The following NAV2 variants were observed in gnomAD, a reference collection of about 807,000 sequenced individuals.
The protein encoded by NAV2 is neuron navigator 2, also known as helicase, APC down-regulated 1.
NAV2 carries 54 observed loss-of-function variants against 223.2 expected under a neutral mutation model. The ratio of observed to expected loss-of-function variants is 0.24; its 90% CI spans 0.19 to 0.30. The LOEUF (loss-of-function observed/expected upper bound fraction) is 0.30, where lower values mean the gene tolerates loss of function less well. Ranked by LOEUF, NAV2 falls within the 10% of genes least tolerant of loss-of-function variation. NAV2 has a pLI of 1.00. For synonymous variants in NAV2, 1,279 were observed against 1,239.3 expected (o/e 1.03, Z -0.67); for missense variants, 2,806 against 3,147.5 (o/e 0.89, Z 2.60).
At chr11:19,879,136 G>A (rs956493830) in intron 4 of NAV2, among the ~76,000 whole-genome samples, 15 of 152,212 alleles carry the variant, frequency 9.9e-5, no homozygotes, top group African/African-American at 3.4e-4. Flanking sequence ...CCCCTCGTGA[G>A]CCATAGCCTT....
intron 1 of NAV2, among the ~76,000 whole-genome samples, chr11:19,472,844 G>T (rs1481788762): frequency 6.6e-6 from 1 of 152,204 alleles, no homozygotes; most frequent in Non-Finnish European, 1.5e-5. Context: ...AGCCAAGCCT[G>T]GTGCTGTCTA....
intron 1 of NAV2, among the ~76,000 whole-genome samples, chr11:19,655,063 C>T (rs540206039): frequency 2.0e-5 from 3 of 152,290 alleles, no homozygotes; most frequent in South Asian, 4.1e-4. Flanking sequence ...CAAACAACCC[C>T]ATCAACAAGT....
At chr11:19,590,718 A>C (rs1482156370) in intron 1 of NAV2, among the ~76,000 whole-genome samples, 2 of 152,232 alleles carry the variant, frequency 1.3e-5, no homozygotes, top group African/African-American at 4.8e-5. Context: ...TCCTGACTGC[A>C]AAAGCTCACA....
At chr11:19,945,591 C>G (rs2153355698) in intron 8 of NAV2, among the ~76,000 whole-genome samples, 1 of 152,294 alleles carries the variant, frequency 6.6e-6, no homozygotes, top group South Asian at 2.1e-4. Flanking sequence ...GCGATCTGCC[C>G]ACTTTGGCTT....
intron 6 of NAV2, among the ~76,000 whole-genome samples, chr11:19,914,427 GA>G (rs2043600164): frequency 6.6e-6 from 1 of 152,168 alleles, no homozygotes; most frequent in Non-Finnish European, 1.5e-5. Context: ...ATCATTCTCA[GA>G]AAAGTGATAC....
intron 1 of NAV2, among the ~76,000 whole-genome samples, chr11:19,439,223 C>A (rs1851315486): frequency 1.3e-5 from 2 of 152,146 alleles, no homozygotes; most frequent in South Asian, 4.1e-4. Context: ...GAACCCAAGA[C>A]AAAGACCAAA....
chr11:19,892,584 C>T lies in NAV2; in HGVS notation c.921C>T (p.Ser307=). The T allele has an allele frequency of 6.2e-7, 1 of 1,613,688 alleles. No homozygotes were observed. Among genetic ancestry groups the T allele is most frequent in the South Asian group, 1.1e-5 (1 of 90,922 alleles). ...PVTSPPPPPS[S]HEKEPLASSA... ...CCTCCCCACCCCCACCGCCAAGCAG[C>T]CACGAGAAAGGTGAGTCACCTTCTT... Residue 307 remains serine (S), a synonymous_variant, in exon 6 of 38, where the codon AGC becomes AGT. Transcript: ENST00000349880.
At chr11:19,481,924 C>T (rs2134004137) in intron 1 of NAV2, among the ~76,000 whole-genome samples, 1 of 152,316 alleles carries the variant, frequency 6.6e-6, no homozygotes, top group South Asian at 2.1e-4. Flanking sequence ...AGTAAAAGGT[C>T]AGTTAAGATG....
chr11:19,749,626 G>A (rs1279911412), intron 1 of NAV2, among the ~76,000 whole-genome samples: 1 of 152,094 alleles, frequency 6.6e-6, no homozygotes, highest in East Asian at 1.9e-4. Flanking sequence ...ATGGAAATTC[G>A]GTTACGTTAC....
intron 1 of NAV2, among the ~76,000 whole-genome samples, chr11:19,674,109 G>A (rs2048650938): frequency 6.6e-6 from 1 of 152,192 alleles, no homozygotes; most frequent in South Asian, 2.1e-4. Context: ...GTTGTGGAAG[G>A]AGCTTTTGGC....
intron 5 of NAV2, among the ~76,000 whole-genome samples, chr11:19,891,218 C>T (rs1225150929): frequency 2.6e-5 from 4 of 152,214 alleles, no homozygotes; most frequent in African/African-American, 4.8e-5. Flanking sequence ...AGTTTTATGA[C>T]TTGAAAATTC....
chr11:19,592,822 G>A (rs962208003), intron 1 of NAV2, among the ~76,000 whole-genome samples: 6 of 152,162 alleles, frequency 3.9e-5, no homozygotes, highest in Non-Finnish European at 8.8e-5. Flanking sequence ...CTTTTTACAA[G>A]TAGTTCATTT....
intron 1 of NAV2, among the ~76,000 whole-genome samples, chr11:19,723,064 A>G (rs1343343961): frequency 1.3e-5 from 2 of 152,160 alleles, no homozygotes; most frequent in Admixed American, 1.3e-4. Flanking sequence ...GGGCTTTGGC[A>G]AGTTTGGGCA....
intron 1 of NAV2, chr11:19,714,600 G>A (rs377244345): frequency 3.3e-5 from 13 of 388,824 alleles, no homozygotes; most frequent in Admixed American, 2.8e-4. Flanking sequence ...TTGGCTGGCT[G>A]TTGCGGTGGG....
intron 1 of NAV2, among the ~76,000 whole-genome samples, chr11:19,831,433 A>T (rs2059937118): frequency 6.6e-6 from 1 of 151,878 alleles, no homozygotes; most frequent in South Asian, 2.1e-4. Flanking sequence ...TTAGTACTTG[A>T]GCCTGTTGTC....
At position 19,951,684 on chromosome 11, in the gene NAV2, A is replaced by G. The variant is rs559066532; in HGVS notation, c.2645+2604A>G. Among the ~76,000 whole-genome samples, 4 of 152,296 alleles carry G rather than the reference A, an allele frequency of 2.6e-5. No individual in the cohort carries two copies. The South Asian group carries it at 8.3e-4, about 32-fold the overall frequency. ...ATGTCCACAAGGTGGAGACATTGAAACACTCTAACCTGAATCTTAGTGATA... is the reference window on the plus strand; with the variant it reads ...ATGTCCACAAGGTGGAGACATTGAAGCACTCTAACCTGAATCTTAGTGATA... On this transcript the variant is annotated intron_variant, in intron 10 of 37. Coordinates refer to ENST00000349880, the MANE Select transcript of NAV2 (RefSeq NM_145117.5).
In NAV2 at chr11:19,670,485, G is replaced by A. The variant is rs150809656; in HGVS notation, c.76-161999G>A. Reference sequence around the variant, plus strand: ...TGCAGTGCTCAGGGAACCCCGCGGAGAGGGGACAGTGCATGTTCTTTGGTC... The same window carrying A: ...TGCAGTGCTCAGGGAACCCCGCGGAAAGGGGACAGTGCATGTTCTTTGGTC... On this transcript the variant is annotated intron_variant, in intron 1 of 37. Transcript: ENST00000360655. 3.2e-3 allele frequency among the ~76,000 whole-genome samples: 489 copies of A among 152,356 alleles called. 1 individual carries two copies. The highest frequency in any genetic ancestry group is 0.011 in the African/African-American group (447 of 41,582).
rs1187572314 is a variant in NAV2 at position 19,661,898 on chromosome 11, T to G, written c.76-170586T>G. ...AATTAATTAGTGGTAGAAGTCAAATTGGAACCCAGGGCTCTTGAATTTGAG... is the reference window on the plus strand; with the variant it reads ...AATTAATTAGTGGTAGAAGTCAAATGGGAACCCAGGGCTCTTGAATTTGAG... On this transcript the variant is annotated intron_variant, in intron 1 of 37. Coordinates refer to the NAV2 transcript ENST00000360655. 2.0e-5 allele frequency among the ~76,000 whole-genome samples: 3 copies of G among 152,230 alleles called. No homozygotes were observed. In the East Asian group the frequency reaches 5.8e-4, roughly 29 times the overall value.
chr11:19,624,943 C>A (rs2047120028), intron 1 of NAV2, among the ~76,000 whole-genome samples: 1 of 152,172 alleles, frequency 6.6e-6, no homozygotes, highest in Non-Finnish European at 1.5e-5. Context: ...TTTTAATTGA[C>A]AAATAATAAT....
Sources: gnomAD v4.1 joint callset for allele counts (sites outside exome capture counted in the v4.1 genomes callset) on GRCh38, gnomAD v4.1.1 for gene constraint, MANE v1.5 for transcripts, NCBI Gene and HGNC (gene_info 2026-07-23, HGNC 2026-07-21) for gene names.